The following WDR72 variants were observed in gnomAD, a reference collection of about 807,000 sequenced individuals.
The protein encoded by WDR72 is WD repeat-containing protein 72.
Under a neutral mutation model 124.2 loss-of-function variants are expected in WDR72, and 120 were observed. That is an observed-to-expected ratio of 0.97 (90% CI 0.83 to 1.12). WDR72 has a LOEUF of 1.12. Ranked by LOEUF, WDR72 falls within the 50% of genes most tolerant of loss-of-function variation. The pLI, the probability that WDR72 is intolerant of heterozygous loss-of-function variation, is 0.00. For missense variants in WDR72, 1,387 were observed against 1,278.8 expected (o/e 1.08, Z -1.29); for synonymous variants, 452 against 441.7 (o/e 1.02, Z -0.29).
At chr15:53,762,246 A>G (rs527957261), upstream of WDR72, among the ~76,000 whole-genome samples, 70 of 152,228 alleles carry the variant, frequency 4.6e-4, no homozygotes, top group African/African-American at 1.6e-3. Flanking sequence ...TCCTGCATGC[A>G]GTGTTTCCTA....
intron 2 of WDR72, among the ~76,000 whole-genome samples, chr15:53,728,716 C>G (rs1009201239): frequency 8.5e-5 from 13 of 152,142 alleles, no homozygotes; most frequent in Admixed American, 5.9e-4. Flanking sequence ...TTTAAGAAAA[C>G]AAGCAATCAA....
intron 1 of WDR72, among the ~76,000 whole-genome samples, chr15:53,740,859 T>C (rs2018490667): frequency 6.6e-6 from 1 of 152,218 alleles, no homozygotes. Context: ...ATCTATAATA[T>C]GTGAACAATA....
At chr15:53,524,369 ATGTT>A (rs1891988250) in intron 18 of WDR72, among the ~76,000 whole-genome samples, 1 of 152,120 alleles carries the variant, frequency 6.6e-6, no homozygotes, top group Non-Finnish European at 1.5e-5. Flanking sequence ...CACATAAGAT[ATGTT>A]TGTTGGCACA....
intron 9 of WDR72, among the ~76,000 whole-genome samples, chr15:53,709,333 A>G (rs1029514135): frequency 1.3e-5 from 2 of 152,222 alleles, no homozygotes; most frequent in Non-Finnish European, 2.9e-5. Flanking sequence ...TCTCGCTTTT[A>G]AGATACAGAA....
chr15:53,581,956 G>C (rs1041271752), intron 18 of WDR72, among the ~76,000 whole-genome samples: 1 of 151,866 alleles, frequency 6.6e-6, no homozygotes, highest in Admixed American at 6.6e-5. Flanking sequence ...TTGTGAATTT[G>C]AGAAGACGAG....
At chr15:53,538,436 T>C (rs1019492836) in intron 18 of WDR72, among the ~76,000 whole-genome samples, 5 of 152,328 alleles carry the variant, frequency 3.3e-5, no homozygotes, top group Non-Finnish European at 5.9e-5. Flanking sequence ...GCTCCGTCAA[T>C]GGCAAACACA....
At chr15:53,719,129 C>G (rs1238789421) in intron 3 of WDR72, among the ~76,000 whole-genome samples, 1 of 152,012 alleles carries the variant, frequency 6.6e-6, no homozygotes, top group Non-Finnish European at 1.5e-5. Context: ...TATTTGTGTG[C>G]TTATAACACT....
rs567642915 is a variant in WDR72 at position 53,663,609 on chromosome 15, G to A, written c.1962+1963C>T. Among the ~76,000 whole-genome samples, 3 of 152,256 alleles carry A rather than the reference G, an allele frequency of 2.0e-5. No homozygotes were observed. In the South Asian group the frequency reaches 6.2e-4, roughly 32 times the overall value. On this transcript the variant is annotated intron_variant, in intron 14 of 19. Transcript: ENST00000360509. ...TTAGTAAAAATGACACTTGATGAAT[G>A]AGATTTGCTCCTGCAGACCCTAGAC...
At chr15:53,545,114 T>A (rs1319057627) in intron 18 of WDR72, among the ~76,000 whole-genome samples, 2 of 148,770 alleles carry the variant, frequency 1.3e-5, no homozygotes, top group Non-Finnish European at 3.0e-5. Context: ...TTCAATGCCA[T>A]CCCCATAAAG....
At chr15:53,665,320 G>A (rs1230191088) in intron 14 of WDR72, among the ~76,000 whole-genome samples, 1 of 151,930 alleles carries the variant, frequency 6.6e-6, no homozygotes, top group Non-Finnish European at 1.5e-5. Flanking sequence ...AAATCACCTA[G>A]GATTCAAGGG....
At chr15:53,710,534 T>TA (rs1231224889) in intron 9 of WDR72, among the ~76,000 whole-genome samples, 309 of 151,832 alleles carry the variant, frequency 2.0e-3, no homozygotes, top group African/African-American at 7.0e-3. Context: ...TACAACAAAG[T>TA]AAAAAAAAAT....
At chr15:53,628,897 A>C (rs936382448) in intron 14 of WDR72, among the ~76,000 whole-genome samples, 2 of 152,166 alleles carry the variant, frequency 1.3e-5, no homozygotes, top group African/African-American at 4.8e-5. Flanking sequence ...GAAGAAACAC[A>C]AAGTGCTAAG....
At chr15:53,595,492 T>G (rs1279989842) in intron 18 of WDR72, among the ~76,000 whole-genome samples, 3 of 152,168 alleles carry the variant, frequency 2.0e-5, no homozygotes, top group Non-Finnish European at 4.4e-5. Context: ...AAAATTCATC[T>G]AAAGTTTCAC....
At chr15:53,663,708 G>A (rs1232803402) in intron 14 of WDR72, among the ~76,000 whole-genome samples, 1 of 152,062 alleles carries the variant, frequency 6.6e-6, no homozygotes, top group Non-Finnish European at 1.5e-5. Flanking sequence ...TCCACTATAA[G>A]ATGCTAACTC....
chr15:53,684,062 C>T (rs1270819822), intron 13 of WDR72: 1 of 151,930 alleles, frequency 6.6e-6, no homozygotes, highest in East Asian at 1.9e-4. Context: ...ATCTTAAAAT[C>T]ACAATATGAA....
At chr15:53,578,164 G>A (rs2011712315) in intron 18 of WDR72, among the ~76,000 whole-genome samples, 1 of 152,058 alleles carries the variant, frequency 6.6e-6, no homozygotes, top group Non-Finnish European at 1.5e-5. Flanking sequence ...CTAGGCACTG[G>A]AGATATAATA....
chr15:53,688,059 A>G (rs1167388783), intron 13 of WDR72, among the ~76,000 whole-genome samples: 1 of 146,982 alleles, frequency 6.8e-6, no homozygotes, highest in Non-Finnish European at 1.5e-5. Flanking sequence ...GATGGGACGT[A>G]TTTCAAAATA....
chr15:53,550,873 G>C (rs569753523), intron 18 of WDR72, among the ~76,000 whole-genome samples: 1 of 152,228 alleles, frequency 6.6e-6, no homozygotes, highest in South Asian at 2.1e-4. Flanking sequence ...ATAAAGCTTA[G>C]AATCTGACTA....
At chr15:53,736,201 C>A (rs1265633817) in intron 1 of WDR72, among the ~76,000 whole-genome samples, 3 of 152,106 alleles carry the variant, frequency 2.0e-5, no homozygotes, top group Non-Finnish European at 4.4e-5. Context: ...TTTGCTAATT[C>A]AGTCCTAAAG....
Sources: allele counts gnomAD v4.1 joint callset (sites outside exome capture counted in the v4.1 genomes callset), GRCh38; gene constraint gnomAD v4.1.1; transcripts MANE v1.5; gene names NCBI Gene and HGNC (gene_info 2026-07-23, HGNC 2026-07-21).